FSTL5: variants seen among roughly 807,000 people sequenced by gnomAD.
FSTL5 encodes the protein follistatin like 5.
A neutral mutation model predicts 89.1 loss-of-function variants in FSTL5; 62 were observed. The observed-to-expected ratio is 0.70, with a 90% CI of 0.57 to 0.86. The LOEUF (loss-of-function observed/expected upper bound fraction) is 0.86. Among genes scored for constraint, FSTL5 ranks in the 40% least tolerant of loss-of-function variants. The pLI, the probability that FSTL5 is intolerant of heterozygous loss-of-function variation, is 0.00. For synonymous variants in FSTL5, 383 were observed against 346.2 expected (o/e 1.11, Z -1.18); for missense variants, 1,057 against 1,001.6 (o/e 1.06, Z -0.75).
intron 2 of FSTL5, among the ~76,000 whole-genome samples, chr4:162,091,276 A>G (rs1407406878): frequency 1.3e-5 from 2 of 152,122 alleles, no homozygotes; most frequent in African/African-American, 4.8e-5. Flanking sequence ...TTCCTGACTA[A>G]TTACTGTATA....
At chr4:161,625,432 C>T (rs966331272) in intron 7 of FSTL5, among the ~76,000 whole-genome samples, 1 of 151,968 alleles carries the variant, frequency 6.6e-6, no homozygotes, top group African/African-American at 2.4e-5. Flanking sequence ...TTAATATTGT[C>T]ATTGTTTTCG....
intron 4 of FSTL5, among the ~76,000 whole-genome samples, chr4:161,832,217 C>A (rs1730867686): frequency 6.6e-6 from 1 of 152,074 alleles, no homozygotes; most frequent in South Asian, 2.1e-4. Flanking sequence ...GAAGAATTCA[C>A]AGATGATATG....
rs147898664 is a variant in FSTL5 at position 161,938,917 on chromosome 4, C to T, written c.161-18265G>A. On this transcript the variant is annotated intron_variant, in intron 3 of 15. Transcript: ENST00000306100. ...CATAAGGCACGGAACAGGTTTCCAGCATCAAATGTTAATTAGCTTATTAAT... is the reference window on the plus strand; with the variant it reads ...CATAAGGCACGGAACAGGTTTCCAGTATCAAATGTTAATTAGCTTATTAAT... 1.7e-3 allele frequency among the ~76,000 whole-genome samples: 254 copies of T among 151,812 alleles called. 1 individual carries two copies. The highest frequency in any genetic ancestry group is 5.6e-3 in the African/African-American group (232 of 41,476).
At chr4:162,100,874 C>G (rs1055344225) in intron 2 of FSTL5, among the ~76,000 whole-genome samples, 2 of 152,090 alleles carry the variant, frequency 1.3e-5, no homozygotes, top group Non-Finnish European at 2.9e-5. Context: ...AAAAGAGGCC[C>G]TTAACTCAAG....
At chr4:161,732,877 C>CT (rs1195551021) in intron 6 of FSTL5, among the ~76,000 whole-genome samples, 1 of 150,540 alleles carries the variant, frequency 6.6e-6, no homozygotes, top group Non-Finnish European at 1.5e-5. Context: ...ACATACCACT[C>CT]TGTTTTTATT....
At chr4:161,864,865 C>T (rs1196150288) in intron 4 of FSTL5, among the ~76,000 whole-genome samples, 6 of 72,210 alleles carry the variant, frequency 8.3e-5, no homozygotes, top group Non-Finnish European at 2.5e-5. Context: ...AGCAAGACTT[C>T]GTCTCAAAAA....
chr4:162,116,921 T>C (rs1444698010), intron 1 of FSTL5, among the ~76,000 whole-genome samples: 1 of 152,178 alleles, frequency 6.6e-6, no homozygotes, highest in African/African-American at 2.4e-5. Flanking sequence ...AGGCTTTCTG[T>C]TCTCTGCTGC....
intron 7 of FSTL5, among the ~76,000 whole-genome samples, chr4:161,618,108 G>A (rs1248311787): frequency 6.8e-6 from 1 of 147,992 alleles, no homozygotes; most frequent in Non-Finnish European, 1.5e-5. Context: ...GTTCACTCAT[G>A]ATTTGGCTCT....
At chr4:162,042,564 A>C (rs1008725889) in intron 2 of FSTL5, among the ~76,000 whole-genome samples, 5 of 152,132 alleles carry the variant, frequency 3.3e-5, no homozygotes, top group African/African-American at 1.2e-4. Flanking sequence ...GAGATATGTT[A>C]GAAAATAACA....
At chr4:162,119,296 A>G (rs80316937) in intron 1 of FSTL5, among the ~76,000 whole-genome samples, 8,010 of 152,112 alleles carry the variant, frequency 0.053, 392 homozygotes, top group East Asian at 0.27. Flanking sequence ...AACTATCTGC[A>G]CAGAAAAAAC....
At chr4:162,127,428 GC>G (rs1226576745) in intron 1 of FSTL5, among the ~76,000 whole-genome samples, 2 of 152,154 alleles carry the variant, frequency 1.3e-5, no homozygotes, top group Non-Finnish European at 2.9e-5. Flanking sequence ...TATTAGACCT[GC>G]AAGGATGAAT....
In FSTL5 at chr4:161,564,533, T is replaced by C. The variant is rs144756505; in HGVS notation, c.1016-21840A>G. 2.9e-3 allele frequency among the ~76,000 whole-genome samples: 440 copies of C among 151,320 alleles called. 1 individual carries two copies. The highest frequency in any genetic ancestry group is 0.01 in the African/African-American group (429 of 41,436). ...TTAACTCATATAATTAATTTATTAA[T>C]TTTTATTCCTAAAAATTTGCTTTCA... On this transcript the variant is annotated intron_variant, in intron 8 of 15. Coordinates refer to ENST00000306100, the MANE Select transcript of FSTL5 (RefSeq NM_020116.5).
At chr4:162,087,557 G>A (rs1730368152) in intron 2 of FSTL5, among the ~76,000 whole-genome samples, 1 of 152,110 alleles carries the variant, frequency 6.6e-6, no homozygotes, top group Non-Finnish European at 1.5e-5. Context: ...TATTAACAAA[G>A]TTAATTAATC....
intron 4 of FSTL5, among the ~76,000 whole-genome samples, chr4:161,906,832 G>C (rs1733542587): frequency 6.6e-6 from 1 of 151,918 alleles, no homozygotes; most frequent in Non-Finnish European, 1.5e-5. Context: ...CATGGAAAGG[G>C]CATGACATAC....
chr4:161,525,577 A>T (rs11728940), intron 10 of FSTL5, among the ~76,000 whole-genome samples: 23,773 of 151,896 alleles, frequency 0.16, 2,453 homozygotes, highest in Non-Finnish European at 0.24. Context: ...AATTCAAATT[A>T]AAAAAAAATT....
At chr4:161,548,263 T>A (rs986085803) in intron 8 of FSTL5, among the ~76,000 whole-genome samples, 1 of 151,908 alleles carries the variant, frequency 6.6e-6, no homozygotes, top group African/African-American at 2.4e-5. Context: ...GTATCTGCGA[T>A]AAACTGTAAA....
At chr4:161,502,717 G>T (rs987103305) in intron 11 of FSTL5, among the ~76,000 whole-genome samples, 1 of 151,610 alleles carries the variant, frequency 6.6e-6, no homozygotes, top group Non-Finnish European at 1.5e-5. Context: ...GTTTTATTTA[G>T]AATTTTTGCA....
chr4:161,693,935 GC>G (rs1358611011), intron 6 of FSTL5, among the ~76,000 whole-genome samples: 73 of 152,028 alleles, frequency 4.8e-4, no homozygotes, highest in Admixed American at 4.3e-3. Flanking sequence ...ACTGTGCCCA[GC>G]CTTCTTGTAA....
At chr4:161,761,598 T>C (rs17041458) in intron 5 of FSTL5, among the ~76,000 whole-genome samples, 21,029 of 152,212 alleles carry the variant, frequency 0.14, 2,792 homozygotes, top group African/African-American at 0.34. Context: ...AAACTTAATG[T>C]ATTAGACCAA....
Sources: allele counts gnomAD v4.1 joint callset (sites outside exome capture counted in the v4.1 genomes callset), GRCh38; gene constraint gnomAD v4.1.1; transcripts MANE v1.5; gene names NCBI Gene and HGNC (gene_info 2026-07-23, HGNC 2026-07-21).